ZDHHC21: variants seen among roughly 807,000 people sequenced by gnomAD.
ZDHHC21 encodes the protein palmitoyltransferase ZDHHC21.
In ZDHHC21, 15 loss-of-function variants were observed where a neutral mutation model predicts 34.6. The observed-to-expected ratio is 0.43, with a 90% CI of 0.29 to 0.67. The LOEUF is 0.67. Ranked by LOEUF, ZDHHC21 falls within the 30% of genes least tolerant of loss-of-function variation. The probability of loss-of-function intolerance (pLI) is 0.14; values close to 1 mark genes in which losing one functional copy is unlikely to be tolerated. For synonymous variants in ZDHHC21, 142 were observed against 101.8 expected, an observed-to-expected ratio of 1.40 and a Z score of -2.38; for missense variants, 344 against 327.7, an observed-to-expected ratio of 1.05 and a Z score of -0.38.
At chr9:14,654,684 A>G (rs544552444) in intron 7 of ZDHHC21, among the ~76,000 whole-genome samples, 3 of 152,206 alleles carry the variant, frequency 2.0e-5, no homozygotes, top group South Asian at 2.1e-4. Context: ...TATCAAATGG[A>G]AATTCTAAAA....
chr9:14,606,224 C>T (rs1231763873), downstream of ZDHHC21, among the ~76,000 whole-genome samples: 1 of 152,148 alleles, frequency 6.6e-6, no homozygotes, highest in Admixed American at 6.6e-5. Context: ...ACACTCTTCC[C>T]ATGAAATGGA....
In ZDHHC21 at chr9:14,674,379, G is replaced by C; in HGVS notation, c.-39C>G. 1 of 1,563,270 alleles carries C rather than the reference G, an allele frequency of 6.4e-7. No homozygotes were observed. The highest frequency in any genetic ancestry group is 8.6e-7 in the Non-Finnish European group (1 of 1,159,118). On this transcript the variant is annotated 5_prime_UTR_variant, in exon 4 of 10. It adds an upstream start codon to the 5' untranslated region. Coordinates refer to ENST00000380916, the MANE Select transcript of ZDHHC21 (RefSeq NM_178566.6). ...AACTGCCTGCTAACCCACAAGGAAG[G>C]ATGATCCTAAGGAGAAGGAACAAAG... is the stretch of plus-strand genomic sequence containing the variant.
At chr9:14,627,987 G>A (rs556919841) in intron 8 of ZDHHC21, among the ~76,000 whole-genome samples, 147 of 152,156 alleles carry the variant, frequency 9.7e-4, no homozygotes, top group Middle Eastern at 3.4e-3. Flanking sequence ...TGACTAACCT[G>A]TTTCCCTTAA....
chr9:14,681,198 A>G (rs1404737104), intron 2 of ZDHHC21, among the ~76,000 whole-genome samples: 2 of 152,118 alleles, frequency 1.3e-5, no homozygotes, highest in African/African-American at 2.4e-5. Context: ...ACTACATATG[A>G]CACGTGATGA....
chr9:14,653,578 T>A (rs1319148475), intron 7 of ZDHHC21, among the ~76,000 whole-genome samples: 1 of 151,858 alleles, frequency 6.6e-6, no homozygotes, highest in East Asian at 1.9e-4. Flanking sequence ...TGCCCAGCAA[T>A]GACCTCCTTC....
intron 5 of ZDHHC21, among the ~76,000 whole-genome samples, chr9:14,670,627 G>C (rs188886906): frequency 9.9e-5 from 15 of 152,136 alleles, no homozygotes; most frequent in Admixed American, 3.3e-4. Context: ...CTATGGTCTG[G>C]ACCATAAATT....
chr9:14,670,234 T>C (rs1481411113), intron 5 of ZDHHC21, among the ~76,000 whole-genome samples: 2 of 152,124 alleles, frequency 1.3e-5, no homozygotes, highest in African/African-American at 4.8e-5. Context: ...AAATTCTTCA[T>C]TTTATATCTA....
At chr9:14,665,051 A>T (rs1834155978) in intron 5 of ZDHHC21, among the ~76,000 whole-genome samples, 2 of 78,626 alleles carry the variant, frequency 2.5e-5, no homozygotes, top group Admixed American at 2.6e-4. Flanking sequence ...AATTACTCTG[A>T]GCTACGGAAG....
At chr9:14,684,568 G>C (rs969393841) in intron 2 of ZDHHC21, among the ~76,000 whole-genome samples, 1 of 151,480 alleles carries the variant, frequency 6.6e-6, no homozygotes, top group African/African-American at 2.4e-5. Context: ...CAAACAAATG[G>C]AAGAACATTC....
intron 7 of ZDHHC21, among the ~76,000 whole-genome samples, chr9:14,649,315 A>G (rs950815560): frequency 6.6e-6 from 1 of 152,260 alleles, no homozygotes; most frequent in Admixed American, 6.5e-5. Context: ...TGAGATATCT[A>G]AAGCATACAG....
intron 3 of ZDHHC21, among the ~76,000 whole-genome samples, chr9:14,675,244 C>T (rs1836161174): frequency 6.6e-6 from 1 of 151,788 alleles, no homozygotes; most frequent in African/African-American, 2.4e-5. Flanking sequence ...ACTAAAAATA[C>T]ATCCATACTT....
intron 6 of ZDHHC21, among the ~76,000 whole-genome samples, chr9:14,661,262 G>A (rs1370653887): frequency 1.4e-5 from 2 of 147,926 alleles, no homozygotes; most frequent in South Asian, 2.3e-4. Flanking sequence ...GAAGTTTGCT[G>A]AATAACTGTG....
In ZDHHC21 at chr9:14,691,331, A is replaced by T. The variant is rs79970953; in HGVS notation, c.-224-946T>A. ...TGGATGGCAGCAGTTTGCACTTGTT[A>T]CTATTCACTATAACAGGTCCCTGGA... is the stretch of plus-strand genomic sequence containing the variant. On this transcript the variant is annotated intron_variant, in intron 1 of 9. Transcript: ENST00000380916. Among the ~76,000 whole-genome samples the T allele has an allele frequency of 6.2e-3, 937 of 152,348 alleles. 14 individuals carry two copies. The highest frequency in any genetic ancestry group is 0.021 in the African/African-American group (885 of 41,582).
chr9:14,631,233 T>A (rs985869879), intron 8 of ZDHHC21, among the ~76,000 whole-genome samples: 1 of 152,232 alleles, frequency 6.6e-6, no homozygotes, highest in Non-Finnish European at 1.5e-5. Context: ...ACATCAGCAC[T>A]TGCTGCTTCA....
chr9:14,648,724 G>A (rs951117234), intron 7 of ZDHHC21, among the ~76,000 whole-genome samples: 4 of 152,036 alleles, frequency 2.6e-5, no homozygotes, highest in Admixed American at 6.6e-5. Flanking sequence ...GAGCCTAGAC[G>A]AAGGGGAAGT....
the ZDHHC21 span, among the ~76,000 whole-genome samples, chr9:14,603,197 T>C: frequency 1.3e-5 from 2 of 151,928 alleles, no homozygotes; most frequent in Admixed American, 6.6e-5. Flanking sequence ...GTTTAAACTA[T>C]CCCTCAATAA....
chr9:14,692,931 C>A (rs1839373646), intron 1 of ZDHHC21, among the ~76,000 whole-genome samples: 1 of 152,002 alleles, frequency 6.6e-6, no homozygotes, highest in Non-Finnish European at 1.5e-5. Flanking sequence ...CCAACATCGT[C>A]TCGACTAGAG....
intron 8 of ZDHHC21, among the ~76,000 whole-genome samples, chr9:14,637,213 A>G (rs934390207): frequency 6.6e-6 from 1 of 152,068 alleles, no homozygotes; most frequent in African/African-American, 2.4e-5. Flanking sequence ...ATGAAAAAGA[A>G]GACATTACAG....
At chr9:14,650,388 A>G (rs1031132578) in intron 7 of ZDHHC21, among the ~76,000 whole-genome samples, 1 of 151,994 alleles carries the variant, frequency 6.6e-6, no homozygotes, top group Non-Finnish European at 1.5e-5. Context: ...TTAATTCCAC[A>G]ATACTCTTGG....
Sources: allele counts gnomAD v4.1 joint callset (sites outside exome capture counted in the v4.1 genomes callset), GRCh38; gene constraint gnomAD v4.1.1; transcripts MANE v1.5; gene names NCBI Gene and HGNC (gene_info 2026-07-23, HGNC 2026-07-21).